Variants in RALGAPA2 observed in about 807,000 individuals in gnomAD.
RALGAPA2 encodes ral GTPase-activating protein subunit alpha-2.
Under a neutral mutation model 230.4 loss-of-function variants are expected in RALGAPA2, and 139 were observed. The observed-to-expected ratio is 0.60, with a 90% CI of 0.53 to 0.69. RALGAPA2 has a LOEUF of 0.69. Among genes scored for constraint, RALGAPA2 ranks in the 30% least tolerant of loss-of-function variants. The probability of loss-of-function intolerance (pLI) is 0.00; values close to 1 mark genes in which losing one functional copy is unlikely to be tolerated. For synonymous variants in RALGAPA2, 847 were observed against 837.8 expected (o/e 1.01, Z -0.19); for missense variants, 2,163 against 2,276.0 (o/e 0.95, Z 1.01).
chr20:20,599,109 A>G (rs959141185), intron 16 of RALGAPA2, among the ~76,000 whole-genome samples: 3 of 152,206 alleles, frequency 2.0e-5, no homozygotes, highest in Non-Finnish European at 4.4e-5. Flanking sequence ...TCAGATTCAC[A>G]TTCAGGTTAT....
At position 20,557,959 on chromosome 20, in the gene RALGAPA2, C is replaced by A. The variant is rs748593522; in HGVS notation, c.3157-11127G>T. ...GGTCAATGAAGCACCATTTAATATTCGTGAATAATGGGCCTCATATATAGT... is the reference window on the plus strand; with the variant it reads ...GGTCAATGAAGCACCATTTAATATTAGTGAATAATGGGCCTCATATATAGT... On this transcript the variant is annotated intron_variant, in intron 23 of 39. Transcript: ENST00000202677. 2.6e-5 allele frequency among the ~76,000 whole-genome samples: 4 copies of A among 152,116 alleles called. No homozygotes were observed. In the South Asian group the frequency reaches 8.3e-4, roughly 32 times the overall value.
At chr20:20,521,412 T>C (rs6137053) in intron 30 of RALGAPA2, among the ~76,000 whole-genome samples, 4,869 of 152,000 alleles carry the variant, frequency 0.032, 151 homozygotes, top group East Asian at 0.15. Flanking sequence ...GGAACTAATC[T>C]GGGGATGAAG....
At chr20:20,619,130 G>A in intron 12 of RALGAPA2, 147 bp downstream of exon 12, 1 of 892,488 alleles carries the variant, frequency 1.1e-6, no homozygotes, top group Non-Finnish European at 1.5e-6. Flanking sequence ...GAATGTAATA[G>A]CTAATTAAAT....
chr20:20,497,628 T>C lies in RALGAPA2; in HGVS notation c.5209-2353A>G, dbSNP rs1602548926. 3.9e-5 allele frequency among the ~76,000 whole-genome samples: 6 copies of C among 152,372 alleles called. No homozygotes were observed. The South Asian group carries it at 1.2e-3, about 32-fold the overall frequency. On this transcript the variant is annotated intron_variant, in intron 35 of 39. Transcript: ENST00000202677. Reference sequence around the variant, plus strand: ...TTGCAAAACATTGACTGTGAGGTAATACCGTGATTATTGAAGTTTTGTAGT... The same window carrying C: ...TTGCAAAACATTGACTGTGAGGTAACACCGTGATTATTGAAGTTTTGTAGT...
intron 31 of RALGAPA2, among the ~76,000 whole-genome samples, chr20:20,518,664 C>T (rs895641006): frequency 1.3e-5 from 2 of 152,052 alleles, no homozygotes; most frequent in African/African-American, 4.8e-5. Flanking sequence ...GAGTATTGTA[C>T]ACTGAAAGAA....
At chr20:20,487,696 T>C (rs2057591073) in intron 36 of RALGAPA2, among the ~76,000 whole-genome samples, 1 of 151,746 alleles carries the variant, frequency 6.6e-6, no homozygotes, top group Non-Finnish European at 1.5e-5. Flanking sequence ...ATCACTTGAG[T>C]TCAGGAGTTT....
chr20:20,503,422 A>G lies in RALGAPA2; in HGVS notation c.5137T>C (p.Ser1713Pro), dbSNP rs760914393. 1 of 1,608,836 alleles carries G rather than the reference A, an allele frequency of 6.2e-7. No homozygotes were observed. Among genetic ancestry groups the G allele is most frequent in the Non-Finnish European group, 8.5e-7 (1 of 1,176,608 alleles). ...TGQTAPYYAT[S>P]TVEVIFHVST... Reference sequence around the variant, plus strand: ...ACATGGAAAATCACTTCCACAGTTGAGGTAGCATAGTAAGGGGCCGTCTGC... The same window carrying G: ...ACATGGAAAATCACTTCCACAGTTGGGGTAGCATAGTAAGGGGCCGTCTGC... Residue 1713 changes from serine (S) to proline (P), a missense_variant, in exon 35 of 40, where the codon TCA (serine) becomes CCA (proline). Physicochemically the swap from Ser to Pro is moderately conservative, Grantham distance 74. Coordinates refer to ENST00000202677, the MANE Select transcript of RALGAPA2 (RefSeq NM_020343.4).
intron 36 of RALGAPA2, among the ~76,000 whole-genome samples, chr20:20,477,182 A>T (rs2061672868): frequency 6.6e-6 from 1 of 152,234 alleles, no homozygotes; most frequent in Admixed American, 6.5e-5. Flanking sequence ...CATGTTGTAT[A>T]CTTACAATTT....
intron 1 of RALGAPA2, among the ~76,000 whole-genome samples, chr20:20,684,679 G>A (rs922118772): frequency 6.6e-5 from 10 of 152,140 alleles, no homozygotes; most frequent in African/African-American, 1.9e-4. Flanking sequence ...GTCTGGGCAC[G>A]CTCTTCACAC....
At chr20:20,562,036 G>C (rs1030834901) in intron 23 of RALGAPA2, among the ~76,000 whole-genome samples, 1 of 152,178 alleles carries the variant, frequency 6.6e-6, no homozygotes, top group Non-Finnish European at 1.5e-5. Flanking sequence ...AAGTTGACTA[G>C]CTCACCACAG....
Position 20,522,325 on chromosome 20 carries a change from G to A in RALGAPA2, c.3901-1225C>T, listed in dbSNP as rs188300514. On this transcript the variant is annotated intron_variant, in intron 30 of 39. Transcript: ENST00000202677. ...CTAAACTATCCAAATGTCTATGAAC[G>A]GTAAAATGTATAAATACATTGTGGT... Among the ~76,000 whole-genome samples, 119 of 151,230 alleles carry A rather than the reference G, an allele frequency of 7.9e-4. 1 individual carries two copies. The highest frequency in any genetic ancestry group is 3.5e-3 in the Middle Eastern group (1 of 286).
At chr20:20,656,381 A>C (rs1404058505) in intron 3 of RALGAPA2, among the ~76,000 whole-genome samples, 1 of 152,244 alleles carries the variant, frequency 6.6e-6, no homozygotes, top group African/African-American at 2.4e-5. Context: ...GATGTCACAT[A>C]ACAGAATGAC....
Position 20,635,409 on chromosome 20 carries a change from A to C in RALGAPA2, c.1005+9T>G. The C allele has an allele frequency of 6.3e-7, 1 of 1,579,900 alleles. No individual in the cohort carries two copies. Among genetic ancestry groups the C allele is most frequent in the Non-Finnish European group, 8.6e-7 (1 of 1,161,810 alleles). On this transcript the variant is annotated intron_variant, in intron 9 of 39. Coordinates refer to ENST00000202677, the MANE Select transcript of RALGAPA2 (RefSeq NM_020343.4). ...GCATTAACAGATAAAAAGATGATGG[A>C]TGGCATACCTGGATGATTTTAGGCA...
At chr20:20,527,559 C>T (rs1190168324) in intron 27 of RALGAPA2, among the ~76,000 whole-genome samples, 1 of 151,646 alleles carries the variant, frequency 6.6e-6, no homozygotes, top group African/African-American at 2.4e-5. Context: ...AATTGTGGCA[C>T]AAAATGTCAT....
At position 20,536,676 on chromosome 20, in the gene RALGAPA2, T is replaced by A; in HGVS notation, c.3394A>T (p.Thr1132Ser). ...QSVPEVNEAI[T>S]GTEDVKHYLI... ...TGTACCTTGACATCTTCAGTTCCTG[T>A]AATGGCCTCATTTACTTCTGGCACT... Residue 1132 changes from threonine (T) to serine (S), a missense_variant, in exon 25 of 40, where the codon ACA (threonine) becomes TCA (serine). Thr to Ser is a moderately conservative substitution (Grantham distance 58). Coordinates refer to ENST00000202677, the MANE Select transcript of RALGAPA2 (RefSeq NM_020343.4). 6.2e-7 allele frequency: 1 copy of A among 1,612,822 alleles called. No individual in the cohort carries two copies. The highest frequency in any genetic ancestry group is 8.5e-7 in the Non-Finnish European group (1 of 1,178,996).
At chr20:20,660,178 A>ATAT (rs1252058047) in intron 3 of RALGAPA2, among the ~76,000 whole-genome samples, 1 of 151,714 alleles carries the variant, frequency 6.6e-6, no homozygotes, top group Non-Finnish European at 1.5e-5. Flanking sequence ...CGGTAAGCTG[A>ATAT]TATTGCACCA....
intron 4 of RALGAPA2, among the ~76,000 whole-genome samples, chr20:20,646,945 A>G (rs1343501168): frequency 6.6e-6 from 1 of 152,104 alleles, no homozygotes; most frequent in Non-Finnish European, 1.5e-5. Flanking sequence ...TAAAAATGTA[A>G]AATTGGATGT....
At chr20:20,609,893 T>C (rs1393271325) in intron 14 of RALGAPA2, among the ~76,000 whole-genome samples, 2 of 152,240 alleles carry the variant, frequency 1.3e-5, no homozygotes, top group South Asian at 2.1e-4. Flanking sequence ...ACATCCAATG[T>C]ACCAGGCAAG....
chr20:20,561,974 G>A (rs1359107469), intron 23 of RALGAPA2, among the ~76,000 whole-genome samples: 1 of 152,154 alleles, frequency 6.6e-6, no homozygotes, highest in Admixed American at 6.5e-5. Context: ...AATGTTCCCT[G>A]GAGGGGGCAA....
Sources: allele counts gnomAD v4.1 joint callset (sites outside exome capture counted in the v4.1 genomes callset), GRCh38; gene constraint gnomAD v4.1.1; transcripts MANE v1.5; gene names NCBI Gene and HGNC (gene_info 2026-07-23, HGNC 2026-07-21).